The following PHACTR1 variants were observed in gnomAD, a reference collection of about 807,000 sequenced individuals.
PHACTR1 encodes phosphatase and actin regulator 1, also known as RPEL repeat containing 1.
In PHACTR1, 16 loss-of-function variants were observed where a neutral mutation model predicts 69.2. That is an observed-to-expected ratio of 0.23 (90% CI 0.16 to 0.35). PHACTR1 has a LOEUF of 0.35. Among genes scored for constraint, PHACTR1 ranks in the 10% least tolerant of loss-of-function variants. The pLI is 1.00. For missense variants in PHACTR1, 510 were observed against 734.7 expected (o/e 0.69, Z 3.54); for synonymous variants, 312 against 284.5 (o/e 1.10, Z -0.97).
chr6:12,951,897 C>T (rs1473094157), intron 4 of PHACTR1, among the ~76,000 whole-genome samples: 1 of 152,126 alleles, frequency 6.6e-6, no homozygotes, highest in Non-Finnish European at 1.5e-5. Context: ...TTTGTTAAAC[C>T]TTTAGTACAT....
At chr6:12,934,491 T>C (rs1180935872) in intron 4 of PHACTR1, among the ~76,000 whole-genome samples, 2 of 152,100 alleles carry the variant, frequency 1.3e-5, no homozygotes, top group Non-Finnish European at 2.9e-5. Flanking sequence ...CTGCATCATC[T>C]CTCCCAGGAC....
intron 5 of PHACTR1, among the ~76,000 whole-genome samples, chr6:13,118,459 C>G (rs1034968348): frequency 9.3e-5 from 14 of 149,848 alleles, no homozygotes; most frequent in African/African-American, 3.4e-4. Context: ...TGAAGCTTGC[C>G]CAACCAGGGC....
At chr6:13,117,973 C>T (rs1818058347) in intron 5 of PHACTR1, among the ~76,000 whole-genome samples, 1 of 152,174 alleles carries the variant, frequency 6.6e-6, no homozygotes, top group Non-Finnish European at 1.5e-5. Flanking sequence ...TAAATATTCA[C>T]GTTGCACACA....
chr6:12,768,734 A>T (rs1163486630), intron 4 of PHACTR1, among the ~76,000 whole-genome samples: 2 of 149,512 alleles, frequency 1.3e-5, no homozygotes, highest in African/African-American at 4.9e-5. Context: ...TATATTTTTA[A>T]TTTTTAAAGG....
rs759553689 is a variant in PHACTR1, at chr6:13,205,797, G to A, written c.665-18G>A. 100 of 1,556,580 alleles carry A rather than the reference G, an allele frequency of 6.4e-5. No individual in the cohort carries two copies. The highest frequency in any genetic ancestry group is 3.5e-4 in the African/African-American group (24 of 68,848). On this transcript the variant is annotated intron_variant, in intron 7 of 14. Transcript: ENST00000332995. Reference sequence around the variant, plus strand: ...GCCCCCAAACTCACATCTGCCTCTCGCCCTCTTTCTGCCACAGATCCTGGC... The same window carrying A: ...GCCCCCAAACTCACATCTGCCTCTCACCCTCTTTCTGCCACAGATCCTGGC...
At chr6:12,841,478 AGAG>A (rs1454233276) in intron 4 of PHACTR1, among the ~76,000 whole-genome samples, 1 of 152,240 alleles carries the variant, frequency 6.6e-6, no homozygotes, top group Non-Finnish European at 1.5e-5. Flanking sequence ...CTTCTAATGC[AGAG>A]GAGAAGAGCA....
intron 10 of PHACTR1, chr6:13,252,986 A>G (rs1463092348): frequency 4.4e-6 from 2 of 451,558 alleles, no homozygotes; most frequent in South Asian, 3.1e-5. Flanking sequence ...TCTGAACTTG[A>G]GTTGTTATTG....
intron 4 of PHACTR1, among the ~76,000 whole-genome samples, chr6:12,930,124 G>T (rs1468610089): frequency 6.6e-6 from 1 of 151,572 alleles, no homozygotes; most frequent in Non-Finnish European, 1.5e-5. Context: ...ACACACTGCA[G>T]CCTTGACCTC....
intron 5 of PHACTR1, among the ~76,000 whole-genome samples, chr6:13,107,287 T>C (rs969080823): frequency 6.6e-6 from 1 of 152,096 alleles, no homozygotes. Flanking sequence ...ATTTTTAAAG[T>C]TTTTGGTAGA....
chr6:12,883,703 T>C (rs768228229), intron 4 of PHACTR1, among the ~76,000 whole-genome samples: 4 of 152,112 alleles, frequency 2.6e-5, no homozygotes, highest in Non-Finnish European at 5.9e-5. Flanking sequence ...GTCTGAGAGC[T>C]GGAACAAGTT....
At chr6:12,917,463 G>A (rs754178889) in intron 4 of PHACTR1, among the ~76,000 whole-genome samples, 1 of 152,162 alleles carries the variant, frequency 6.6e-6, no homozygotes, top group African/African-American at 2.4e-5. Flanking sequence ...AGTCATAAAT[G>A]ACAAGCAGGC....
chr6:13,061,883 A>G (rs1807730971), intron 5 of PHACTR1, among the ~76,000 whole-genome samples: 1 of 152,212 alleles, frequency 6.6e-6, no homozygotes. Flanking sequence ...CAATTGATTC[A>G]TAGAAAATCA....
chr6:13,163,436 A>C (rs1759340957), intron 6 of PHACTR1, among the ~76,000 whole-genome samples: 3 of 152,184 alleles, frequency 2.0e-5, no homozygotes, highest in Non-Finnish European at 4.4e-5. Context: ...AAACTGTAGG[A>C]GAGCAGGGGC....
chr6:13,091,682 C>G lies in PHACTR1; in HGVS notation c.415+38153C>G, dbSNP rs559846177. On this transcript the variant is annotated intron_variant, in intron 5 of 14. Transcript: ENST00000332995. ...CAGTGGGAGCCCTGAGCTTGTTTTT[C>G]TACAACTAGTCACTCCCATCTGGTG... Among the ~76,000 whole-genome samples the G allele has an allele frequency of 4.6e-4, 70 of 152,266 alleles. 1 individual carries two copies. The South Asian group carries it at 0.015, about 32-fold the overall frequency.
At chr6:12,868,770 G>A (rs1395233576) in intron 4 of PHACTR1, among the ~76,000 whole-genome samples, 4 of 151,950 alleles carry the variant, frequency 2.6e-5, no homozygotes, top group African/African-American at 7.2e-5. Flanking sequence ...CTTAAGGGCA[G>A]TTTAAAACAT....
At chr6:13,146,666 G>A (rs920771525) in intron 5 of PHACTR1, among the ~76,000 whole-genome samples, 25 of 152,280 alleles carry the variant, frequency 1.6e-4, no homozygotes, top group African/African-American at 4.1e-4. Context: ...ATATTAAGCC[G>A]TTCTGGGCAG....
At chr6:12,850,370 C>T (rs1039786331) in intron 4 of PHACTR1, among the ~76,000 whole-genome samples, 1 of 152,266 alleles carries the variant, frequency 6.6e-6, no homozygotes, top group Non-Finnish European at 1.5e-5. Context: ...AGTCCTCCTT[C>T]ACTCTTGCTC....
intron 4 of PHACTR1, among the ~76,000 whole-genome samples, chr6:12,853,086 C>T (rs1036699198): frequency 2.0e-5 from 3 of 152,168 alleles, no homozygotes; most frequent in Non-Finnish European, 4.4e-5. Context: ...TACTTCTAAC[C>T]TAAGTCTCCA....
At chr6:13,089,871 C>T (rs1014681416) in intron 5 of PHACTR1, among the ~76,000 whole-genome samples, 2 of 152,112 alleles carry the variant, frequency 1.3e-5, no homozygotes, top group African/African-American at 4.8e-5. Context: ...AGCCACATGC[C>T]CTGTAGCATC....
Sources: allele counts gnomAD v4.1 joint callset (sites outside exome capture counted in the v4.1 genomes callset), GRCh38; gene constraint gnomAD v4.1.1; transcripts MANE v1.5; gene names NCBI Gene and HGNC (gene_info 2026-07-23, HGNC 2026-07-21).